Variants in COL21A1 observed in about 807,000 individuals in gnomAD.
COL21A1 encodes the protein collagen type XXI alpha 1 chain.
Under a neutral mutation model 137.9 loss-of-function variants are expected in COL21A1, and 149 were observed. The ratio of observed to expected loss-of-function variants is 1.08; its 90% confidence interval spans 0.95 to 1.24. The LOEUF (loss-of-function observed/expected upper bound fraction) is 1.24. Among genes scored for constraint, COL21A1 ranks in the 50% most tolerant of loss-of-function variants. COL21A1 has a pLI of 0.00. For synonymous variants in COL21A1, 456 were observed against 391.5 expected, an observed-to-expected ratio of 1.16 and a Z score of -1.95; for missense variants, 1,167 against 1,158.4, an observed-to-expected ratio of 1.01 and a Z score of -0.11.
Position 56,156,942 on chromosome 6 carries a change from G to C in COL21A1, c.1379C>G (p.Pro460Arg). The change falls in exon 10 of 30, where the codon CCT becomes CGT. Residue 460 changes from proline (P) to arginine (R), a missense_variant. By Grantham distance (103) the Pro-to-Arg change is moderately radical (BLOSUM62 -2). Transcript: ENST00000244728. ...KPGLQGPKGD[P>R]GLPGNPGYPG... ...GTAGCCAGGGTTCCCAGGCAGTCCAGGGTCACCCTAAGCAGGAAGCAAACA... is the reference window on the plus strand; with the variant it reads ...GTAGCCAGGGTTCCCAGGCAGTCCACGGTCACCCTAAGCAGGAAGCAAACA... 1.9e-6 allele frequency: 3 copies of C among 1,611,014 alleles called. No homozygotes were observed. The South Asian group carries it at 3.3e-5, about 18-fold the overall frequency.
intron 18 of COL21A1, 145 bp downstream of exon 18, chr6:56,077,384 T>A (rs1275062225): frequency 5.0e-6 from 3 of 603,088 alleles, no homozygotes; most frequent in Non-Finnish European, 8.6e-6. Flanking sequence ...TATACAAATT[T>A]GTAAAGCCAA....
At chr6:56,386,439 T>A (rs1197688449) in intron 1 of COL21A1, among the ~76,000 whole-genome samples, 1 of 152,156 alleles carries the variant, frequency 6.6e-6, no homozygotes, top group Non-Finnish European at 1.5e-5. Context: ...TGTTTTCAGA[T>A]TTTTTTACTA....
At chr6:56,205,045 G>T (rs1390856272) in intron 1 of COL21A1, among the ~76,000 whole-genome samples, 4 of 152,150 alleles carry the variant, frequency 2.6e-5, no homozygotes, top group African/African-American at 4.8e-5. Flanking sequence ...AGTGCAAAAA[G>T]GCTGAAAATT....
chr6:56,375,641 C>A (rs1562077389), intron 1 of COL21A1, among the ~76,000 whole-genome samples: 1 of 152,180 alleles, frequency 6.6e-6, no homozygotes, highest in Non-Finnish European at 1.5e-5. Flanking sequence ...AGTCCCTTTA[C>A]ACAGTGGTTT....
intron 16 of COL21A1, among the ~76,000 whole-genome samples, chr6:56,108,120 A>G (rs1290067989): frequency 6.6e-6 from 1 of 152,010 alleles, no homozygotes; most frequent in Non-Finnish European, 1.5e-5. Context: ...AAAAATATAA[A>G]TTTTCCTAAA....
At chr6:56,075,944 T>C (rs1043187862) in intron 18 of COL21A1, among the ~76,000 whole-genome samples, 2 of 151,500 alleles carry the variant, frequency 1.3e-5, no homozygotes, top group Admixed American at 1.3e-4. Flanking sequence ...TGCGGCTGAC[T>C]AGGTCCTCTA....
At chr6:56,240,159 C>CT (rs70986787) in intron 1 of COL21A1, among the ~76,000 whole-genome samples, 67,376 of 145,208 alleles carry the variant, frequency 0.46, 15,602 homozygotes, top group East Asian at 0.69. Flanking sequence ...GTCCATTAAA[C>CT]TTTTTTTTTT....
intron 8 of COL21A1, 131 bp downstream of exon 8, chr6:56,164,683 T>C (rs562447413): frequency 2.9e-5 from 25 of 851,812 alleles, no homozygotes; most frequent in Middle Eastern, 5.4e-4. Flanking sequence ...TCTATAAATA[T>C]TAAATACATT....
intron 10 of COL21A1, among the ~76,000 whole-genome samples, chr6:56,143,329 T>C (rs918701812): frequency 6.6e-6 from 1 of 151,712 alleles, no homozygotes; most frequent in African/African-American, 2.4e-5. Flanking sequence ...GCCTCCCTTG[T>C]AGTTGGGACT....
At chr6:56,130,457 G>T (rs1177593866) in intron 12 of COL21A1, among the ~76,000 whole-genome samples, 2 of 151,660 alleles carry the variant, frequency 1.3e-5, no homozygotes, top group Middle Eastern at 3.4e-3. Flanking sequence ...AATTTAGCTG[G>T]GTAATGAATG....
rs532643268 is a variant in COL21A1, at chr6:56,270,913, C to T, written c.-38-88257G>A. On this transcript the variant is annotated intron_variant, in intron 1 of 28. Coordinates refer to the COL21A1 transcript ENST00000370819. Reference sequence around the variant, plus strand: ...CAGGCAGAACTGTGAGTCAATTAAACCTCTTTTGTTTACAAATTACCCAGT... The same window carrying T: ...CAGGCAGAACTGTGAGTCAATTAAATCTCTTTTGTTTACAAATTACCCAGT... 2.6e-5 allele frequency among the ~76,000 whole-genome samples: 4 copies of T among 152,310 alleles called. No individual in the cohort carries two copies. In the South Asian group the frequency reaches 8.3e-4, roughly 32 times the overall value.
chr6:56,248,057 G>A (rs911360420), upstream of COL21A1, among the ~76,000 whole-genome samples: 1 of 152,198 alleles, frequency 6.6e-6, no homozygotes, highest in African/African-American at 2.4e-5. Context: ...AGTCAAGTAG[G>A]CAGTGACCTT....
chr6:56,354,410 C>T (rs1765785507), intron 1 of COL21A1, among the ~76,000 whole-genome samples: 1 of 152,128 alleles, frequency 6.6e-6, no homozygotes, highest in African/African-American at 2.4e-5. Context: ...TCAACCCATG[C>T]ATTTATATTG....
At chr6:56,236,889 G>T (rs1156373883) in intron 1 of COL21A1, among the ~76,000 whole-genome samples, 1 of 151,942 alleles carries the variant, frequency 6.6e-6, no homozygotes, top group Non-Finnish European at 1.5e-5. Context: ...CGAAAGTGAT[G>T]AAATATACAG....
In COL21A1 at chr6:56,064,623, C is replaced by A. The variant is rs868435192; in HGVS notation, c.2128-1G>T. 6.3e-7 allele frequency: 1 copy of A among 1,578,890 alleles called. No individual in the cohort carries two copies. Among genetic ancestry groups the A allele is most frequent in the Admixed American group, 1.8e-5 (1 of 55,568 alleles). Reference sequence around the variant, plus strand: ...GTCTTCCATTTTCTCCCTTTTGACCCTTTAAAATAAAAAAAAACATTATTG... The same window carrying A: ...GTCTTCCATTTTCTCCCTTTTGACCATTTAAAATAAAAAAAAACATTATTG... On this transcript the variant is annotated splice_acceptor_variant, in intron 23 of 29. Coordinates refer to ENST00000244728, the MANE Select transcript of COL21A1 (RefSeq NM_030820.4). LOFTEE classifies it high-confidence loss of function.
At chr6:56,306,807 TAG>T (rs959357061) in intron 1 of COL21A1, among the ~76,000 whole-genome samples, 2 of 152,148 alleles carry the variant, frequency 1.3e-5, no homozygotes, top group African/African-American at 2.4e-5. Flanking sequence ...CTCTGATTTT[TAG>T]AGTTTCCAGT....
intron 1 of COL21A1, among the ~76,000 whole-genome samples, chr6:56,366,290 C>G (rs141825220): frequency 3.3e-4 from 50 of 152,268 alleles, no homozygotes; most frequent in African/African-American, 1.2e-3. Context: ...GCAGTGCTCT[C>G]CCTCCTCCCA....
chr6:56,164,843 GTGTTTTAAAA>G (rs764807028), intron 7 of COL21A1, 21 bp from the exon 8 acceptor site: 2 of 1,515,316 alleles, frequency 1.3e-6, no homozygotes, highest in African/African-American at 1.4e-5. Flanking sequence ...AACAACAAAT[GTGTTTTAAAA>G]TGTTTTAAAT....
chr6:56,232,271 C>G (rs1464527213), intron 1 of COL21A1, among the ~76,000 whole-genome samples: 1 of 151,830 alleles, frequency 6.6e-6, no homozygotes, highest in African/African-American at 2.4e-5. Context: ...AAAAATCATT[C>G]TAATTAGTAA....
Sources: allele counts gnomAD v4.1 joint callset (sites outside exome capture counted in the v4.1 genomes callset), GRCh38; gene constraint gnomAD v4.1.1; transcripts MANE v1.5; gene names NCBI Gene and HGNC (gene_info 2026-07-23, HGNC 2026-07-21).